FBXL5: variants seen among roughly 807,000 people sequenced by gnomAD.
FBXL5 encodes F-box and leucine rich repeat protein 5.
FBXL5 carries 26 observed loss-of-function variants against 78.3 expected under a neutral mutation model. The ratio of observed to expected loss-of-function variants is 0.33; its 90% CI spans 0.24 to 0.46. The LOEUF (loss-of-function observed/expected upper bound fraction) is 0.46, where lower values mean the gene tolerates loss of function less well. Among genes scored for constraint, FBXL5 ranks in the 20% least tolerant of loss-of-function variants. The pLI is 1.00. For synonymous variants in FBXL5, 295 were observed against 282.5 expected, an observed-to-expected ratio of 1.04 and a Z score of -0.45; for missense variants, 710 against 829.2, an observed-to-expected ratio of 0.86 and a Z score of 1.77.
chr4:15,645,561 G>A (rs1158635245), intron 1 of FBXL5, among the ~76,000 whole-genome samples: 1 of 152,056 alleles, frequency 6.6e-6, no homozygotes, highest in Non-Finnish European at 1.5e-5. Flanking sequence ...CTGAGTAGCT[G>A]GGATTACAGG....
chr4:15,674,885 G>A (rs1260246942), intron 1 of FBXL5, among the ~76,000 whole-genome samples: 1 of 152,138 alleles, frequency 6.6e-6, no homozygotes, highest in Non-Finnish European at 1.5e-5. Context: ...TCCTGACCTT[G>A]TGATCCGTCT....
At chr4:15,672,299 G>A (rs1485770963) in intron 1 of FBXL5, among the ~76,000 whole-genome samples, 4 of 152,188 alleles carry the variant, frequency 2.6e-5, no homozygotes, top group Non-Finnish European at 4.4e-5. Context: ...ATTCCCAGCC[G>A]TCTCTGAGCA....
chr4:15,634,234 G>C (rs1318553322), intron 5 of FBXL5, among the ~76,000 whole-genome samples: 2 of 152,006 alleles, frequency 1.3e-5, no homozygotes, highest in Non-Finnish European at 2.9e-5. Flanking sequence ...ACCCGGATTG[G>C]AGTACAGTGA....
intron 10 of FBXL5, among the ~76,000 whole-genome samples, chr4:15,609,742 TAAAG>T (rs1284155772): frequency 1.3e-5 from 2 of 152,028 alleles, no homozygotes; most frequent in South Asian, 2.1e-4. Flanking sequence ...TTAAAAGTCA[TAAAG>T]AATCATTCAG....
At chr4:15,681,346 C>A in intron 1 of FBXL5, 1 of 162,464 alleles carries the variant, frequency 6.2e-6, no homozygotes. Context: ...GGGCCGGGAG[C>A]GCTTACCCCG....
chr4:15,675,647 T>C (rs1484198273), intron 1 of FBXL5, among the ~76,000 whole-genome samples: 1 of 145,492 alleles, frequency 6.9e-6, no homozygotes, highest in Non-Finnish European at 1.5e-5. Context: ...AATGGCGCCA[T>C]CTCAGCTCAC....
At chr4:15,670,150 A>C (rs953265834) in intron 1 of FBXL5, among the ~76,000 whole-genome samples, 1 of 152,182 alleles carries the variant, frequency 6.6e-6, no homozygotes, top group Admixed American at 6.5e-5. Flanking sequence ...TATGTGTTCC[A>C]TTGTATTCCA....
intron 9 of FBXL5, among the ~76,000 whole-genome samples, chr4:15,622,083 T>C (rs1334634970): frequency 1.3e-5 from 2 of 152,202 alleles, no homozygotes; most frequent in African/African-American, 4.8e-5. Context: ...TCCTACTGCG[T>C]TGGCCTCCCA....
intron 9 of FBXL5, among the ~76,000 whole-genome samples, chr4:15,620,754 T>G (rs1317684004): frequency 6.6e-6 from 1 of 152,052 alleles, no homozygotes; most frequent in Non-Finnish European, 1.5e-5. Flanking sequence ...AGGTCGGGGG[T>G]TTACGGGAAT....
At chr4:15,617,275 C>T (rs146796998) in intron 9 of FBXL5, among the ~76,000 whole-genome samples, 3,996 of 152,304 alleles carry the variant, frequency 0.026, 87 homozygotes, top group Middle Eastern at 0.055. Flanking sequence ...GGCACAGTGG[C>T]TCATGCCTGT....
At chr4:15,613,509 AAAT>A (rs1722410588) in intron 9 of FBXL5, among the ~76,000 whole-genome samples, 1 of 152,104 alleles carries the variant, frequency 6.6e-6, no homozygotes, top group Non-Finnish European at 1.5e-5. Flanking sequence ...TTATTCCCTC[AAAT>A]AATATGTTTT....
At chr4:15,622,565 T>A (rs1481917356) in intron 9 of FBXL5, among the ~76,000 whole-genome samples, 1 of 152,196 alleles carries the variant, frequency 6.6e-6, no homozygotes, top group Non-Finnish European at 1.5e-5. Flanking sequence ...AAAGTACCCA[T>A]ACTTTACTTT....
intron 1 of FBXL5, among the ~76,000 whole-genome samples, chr4:15,645,905 AT>A: frequency 6.6e-6 from 1 of 152,322 alleles, no homozygotes; most frequent in East Asian, 1.9e-4. Context: ...AGTAGCTATG[AT>A]GAGGCAGGCA....
chr4:15,638,563 A>G lies in FBXL5; in HGVS notation c.528T>C (p.His176=), dbSNP rs749718655. 40 of 1,607,508 alleles carry G rather than the reference A, an allele frequency of 2.5e-5. No individual in the cohort carries two copies. In the East Asian group the frequency reaches 3.8e-4, roughly 15 times the overall value. ...ELLRGLSLWN[H]AEERQKFFKY... ...TAAAAAACTTCTGTCGCTCTTCAGCATGATTCCATAGGCTAAGACCTCTAA... is the reference window on the plus strand; with the variant it reads ...TAAAAAACTTCTGTCGCTCTTCAGCGTGATTCCATAGGCTAAGACCTCTAA... Residue 176 remains histidine, a synonymous_variant, in exon 4 of 11, where the codon CAT becomes CAC. Transcript: ENST00000341285.
At chr4:15,616,120 G>A (rs759767472) in intron 9 of FBXL5, among the ~76,000 whole-genome samples, 20 of 151,950 alleles carry the variant, frequency 1.3e-4, no homozygotes, top group Non-Finnish European at 2.5e-4. Context: ...CTGAGCCAGC[G>A]AGACCACAAA....
upstream of FBXL5, chr4:15,659,636 T>C (rs191878158): frequency 1.9e-5 from 8 of 415,910 alleles, no homozygotes; most frequent in Admixed American, 5.1e-4. Context: ...TCTGGAGATA[T>C]AATGTGTATA....
rs573065834 is a variant in FBXL5 at position 15,655,316 on chromosome 4, G to A, written c.-29C>T. 5.0e-4 allele frequency: 682 copies of A among 1,361,634 alleles called. 5 individuals are homozygous for A. In the African/African-American group the frequency reaches 9.3e-3, roughly 19 times the overall value. 84.3% of individuals were successfully genotyped at this position (1,361,634 alleles called of 1,614,324 possible). A position where few individuals can be genotyped will look rare whatever the true frequency, so the allele number is the denominator to read the frequency against. ...CACTGCCTCAGCCTCCGCCTCAGCA[G>A]CCGCGGCCGCCGCCTCTCCATAGAC... On this transcript the variant is annotated 5_prime_UTR_variant, in exon 1 of 11. Coordinates refer to ENST00000341285, the MANE Select transcript of FBXL5 (RefSeq NM_012161.4).
At chr4:15,662,551 T>C (rs1485892300), upstream of FBXL5, among the ~76,000 whole-genome samples, 2 of 152,208 alleles carry the variant, frequency 1.3e-5, no homozygotes, top group African/African-American at 4.8e-5. Flanking sequence ...CAGATATGCA[T>C]TGTTCCTTGA....
upstream of FBXL5, chr4:15,655,389 G>T (rs2148736965): frequency 9.6e-7 from 1 of 1,043,186 alleles, no homozygotes; most frequent in Non-Finnish European, 1.2e-6. Context: ...GCATGCGCCC[G>T]CCCCGTCGGC....
Sources: gnomAD v4.1 joint callset for allele counts (sites outside exome capture counted in the v4.1 genomes callset) on GRCh38, gnomAD v4.1.1 for gene constraint, MANE v1.5 for transcripts, NCBI Gene and HGNC (gene_info 2026-07-23, HGNC 2026-07-21) for gene names.